SMG6: variants seen among roughly 807,000 people sequenced by gnomAD.
SMG6 encodes the protein SMG6 nonsense mediated mRNA decay factor.
A neutral mutation model predicts 142.2 loss-of-function variants in SMG6; 66 were observed. That is an observed-to-expected ratio of 0.46 (90% CI 0.38 to 0.57). The LOEUF (loss-of-function observed/expected upper bound fraction) is 0.57. Ranked by LOEUF, SMG6 falls within the 20% of genes least tolerant of loss-of-function variation. The pLI is 0.00. For missense variants in SMG6, 1,793 were observed against 1,832.0 expected (o/e 0.98, Z 0.39); for synonymous variants, 779 against 702.4 (o/e 1.11, Z -1.72).
intron 15 of SMG6, among the ~76,000 whole-genome samples, chr17:2,078,319 G>A (rs549936892): frequency 6.6e-6 from 1 of 152,168 alleles, no homozygotes; most frequent in Non-Finnish European, 1.5e-5. Context: ...GATACTAGGG[G>A]TTAAAAGCCA....
intron 8 of SMG6, among the ~76,000 whole-genome samples, chr17:2,281,948 A>G (rs1749597337): frequency 6.6e-6 from 1 of 152,078 alleles, no homozygotes; most frequent in African/African-American, 2.4e-5. Context: ...TTATACTTCA[A>G]TTGACCAATG....
intron 10 of SMG6, among the ~76,000 whole-genome samples, chr17:2,225,597 T>C (rs2073292766): frequency 6.6e-6 from 1 of 152,162 alleles, no homozygotes; most frequent in African/African-American, 2.4e-5. Flanking sequence ...ACTTGTTTTA[T>C]AGGGTTTAAA....
In SMG6 at chr17:2,270,710, G is replaced by T. The variant is rs138720117; in HGVS notation, c.2661+11937C>A. ...CCCACTAACTTAGAAACCAACTCCG[G>T]CATTACAGCCTAGGCACTTTTCCAA... is the stretch of plus-strand genomic sequence containing the variant. On this transcript the variant is annotated intron_variant, in intron 8 of 18. Transcript: ENST00000263073. Among the ~76,000 whole-genome samples, 658 of 152,258 alleles carry T rather than the reference G, an allele frequency of 4.3e-3. 4 individuals carry two copies. Among genetic ancestry groups the T allele is most frequent in the African/African-American group, 0.014 (600 of 41,540 alleles).
intron 9 of SMG6, among the ~76,000 whole-genome samples, chr17:2,242,905 A>G (rs1054225324): frequency 6.6e-6 from 1 of 152,128 alleles, no homozygotes; most frequent in Non-Finnish European, 1.5e-5. Flanking sequence ...AGAATACTAC[A>G]TATTTCTCTG....
In SMG6 at chr17:2,085,917, G is replaced by A. The variant is rs752981927; in HGVS notation, c.3358-16C>T. The A allele has an allele frequency of 1.2e-6, 2 of 1,612,134 alleles. No individual in the cohort carries two copies. The highest frequency in any genetic ancestry group is 1.7e-4 in the Middle Eastern group (1 of 6,060). On this transcript the variant is annotated splice_polypyrimidine_tract_variant and intron_variant, in intron 13 of 18. Coordinates refer to ENST00000263073, the MANE Select transcript of SMG6 (RefSeq NM_017575.5). The surrounding 1 kb of genome is among the most constrained non-coding windows in gnomAD (Gnocchi z 4.1). ...CTGCAATAACCTACAGGGTGAGAGG[G>A]AGAGAAGAAAAACAGCATTTTCTGA...
chr17:2,286,606 A>G (rs1449326540), intron 6 of SMG6, among the ~76,000 whole-genome samples: 1 of 152,180 alleles, frequency 6.6e-6, no homozygotes, highest in East Asian at 1.9e-4. Context: ...ATTCACCTAA[A>G]ATTAATCAAA....
chr17:2,182,620 C>G (rs2071840518), intron 12 of SMG6, among the ~76,000 whole-genome samples: 1 of 152,102 alleles, frequency 6.6e-6, no homozygotes, highest in Non-Finnish European at 1.5e-5. Flanking sequence ...TGGAGGTTAC[C>G]CATGAGTCTA....
intron 14 of SMG6, 101 bp from the exon 15 acceptor site, chr17:2,082,057 G>C (rs1597355991): frequency 2.1e-5 from 27 of 1,272,358 alleles, no homozygotes; most frequent in Non-Finnish European, 2.9e-5. Flanking sequence ...CACCCACGCA[G>C]ACTGGGACCA....
At chr17:2,233,640 C>G (rs1383425902) in intron 10 of SMG6, 1 of 151,934 alleles carries the variant, frequency 6.6e-6, no homozygotes. Context: ...CAATCTTTAC[C>G]CTCTCCCCAA....
chr17:2,253,193 G>A (rs1304475521), intron 8 of SMG6, among the ~76,000 whole-genome samples: 3 of 151,506 alleles, frequency 2.0e-5, no homozygotes, highest in African/African-American at 7.3e-5. Context: ...CCAGGCTGGA[G>A]TGCAGTGGCG....
At chr17:2,240,821 CG>C (rs1306920976) in intron 9 of SMG6, among the ~76,000 whole-genome samples, 1 of 152,194 alleles carries the variant, frequency 6.6e-6, no homozygotes, top group Non-Finnish European at 1.5e-5. Context: ...AAAGGGCAGG[CG>C]GGAGAGTGAT....
intron 10 of SMG6, among the ~76,000 whole-genome samples, chr17:2,189,269 C>T (rs952286107): frequency 6.6e-5 from 10 of 152,130 alleles, no homozygotes; most frequent in South Asian, 2.1e-4. Context: ...TCCAGGTCAC[C>T]GAAAGGAGCC....
At chr17:2,139,366 G>A (rs529143371) in intron 13 of SMG6, among the ~76,000 whole-genome samples, 12 of 152,114 alleles carry the variant, frequency 7.9e-5, no homozygotes, top group Non-Finnish European at 1.6e-4. Context: ...ACAATCAAGA[G>A]CTCAGGGTTC....
chr17:2,108,576 A>G (rs1222568326), intron 13 of SMG6, among the ~76,000 whole-genome samples: 1 of 152,152 alleles, frequency 6.6e-6, no homozygotes, highest in Non-Finnish European at 1.5e-5. Context: ...GGTTGTAGTG[A>G]GCCGAGATTG....
intron 13 of SMG6, among the ~76,000 whole-genome samples, chr17:2,134,141 A>C (rs111516580): frequency 2.6e-5 from 4 of 152,198 alleles, no homozygotes; most frequent in African/African-American, 9.6e-5. Flanking sequence ...TCTAAGTCTT[A>C]ATCTTCTCAG....
At chr17:2,216,098 A>G (rs1019948417) in intron 10 of SMG6, 4 of 152,130 alleles carry the variant, frequency 2.6e-5, no homozygotes, top group Non-Finnish European at 4.4e-5. Flanking sequence ...TTAAAGAAAC[A>G]GCGCACACAT....
chr17:2,202,250 A>C (rs1478289879), intron 10 of SMG6, among the ~76,000 whole-genome samples: 1 of 152,158 alleles, frequency 6.6e-6, no homozygotes, highest in African/African-American at 2.4e-5. Flanking sequence ...AAAAGGAATA[A>C]ACTACTTAAT....
rs1254994095 is a variant in SMG6, at chr17:2,236,635, A to G, written c.2726T>C (p.Met909Thr). 2 of 1,609,880 alleles carry G rather than the reference A, an allele frequency of 1.2e-6. No individual in the cohort carries two copies. The highest frequency in any genetic ancestry group is 1.7e-6 in the Non-Finnish European group (2 of 1,178,054). Residue 909 changes from methionine to threonine, a missense_variant and splice_region_variant, in exon 10 of 19, where the codon ATG (methionine) becomes ACG (threonine). This residue lies in a region of SMG6 where 1,597 missense variants were observed against 1,584.6 expected (regional missense o/e 1.01). Coordinates refer to ENST00000263073, the MANE Select transcript of SMG6 (RefSeq NM_017575.5). ...CTCAGCCACTGCAGGGAATGTCTCC[A>G]TCCTGCAGATTCAGAAAACCCATCA... ...AHGKLFTRIG[M>T]ETFPAVAEKV...
rs752186162 is a variant in SMG6, at chr17:2,299,932, G to A, written c.821C>T (p.Thr274Met). The stretch of plus-strand genomic sequence containing the variant: ...TCGGCGGCGGCGACATCCATTATCC[G>A]TCAGGCCAGCTCCCTCAGCGCTGTT... ...SNNSAEGAGL[T>M]DNGCRRRRQD... is the part of the protein sequence containing the mutation. The change falls in exon 2 of 19, where the codon ACG becomes ATG. Residue 274 changes from threonine (T) to methionine (M), a missense_variant. By Grantham distance (81) the Thr-to-Met change is moderately conservative. Transcript: ENST00000263073. The surrounding 1 kb of genome is among the most constrained non-coding windows in gnomAD (Gnocchi z 4.3). The A allele has an allele frequency of 2.5e-5, 40 of 1,614,006 alleles. No individual in the cohort carries two copies. The highest frequency in any genetic ancestry group is 1.9e-4 in the South Asian group (17 of 91,094).
Sources: gnomAD v4.1 joint callset for allele counts (sites outside exome capture counted in the v4.1 genomes callset) on GRCh38, gnomAD v4.1.1 for gene constraint, gnomAD v4.1.1 regional missense constraint, Gnocchi (gnomAD v3.1) non-coding constraint, MANE v1.5 for transcripts, NCBI Gene and HGNC (gene_info 2026-07-23, HGNC 2026-07-21) for gene names.